Variants in AGBL1 observed in about 807,000 individuals in gnomAD.
AGBL1 encodes the protein AGBL carboxypeptidase 1, also known as cytosolic carboxypeptidase 4.
AGBL1 carries 130 observed loss-of-function variants against 118.9 expected under a neutral mutation model. The observed-to-expected ratio is 1.09, with a 90% CI of 0.95 to 1.26. The LOEUF is 1.26. AGBL1 is among the 50% of genes most tolerant of loss of function. The pLI is 0.00. For synonymous variants in AGBL1, 555 were observed against 478.9 expected (o/e 1.16, Z -2.08); for missense variants, 1,584 against 1,298.1 (o/e 1.22, Z -3.38).
chr15:86,287,578 A>G (rs1002931323), intron 16 of AGBL1, among the ~76,000 whole-genome samples: 4 of 152,070 alleles, frequency 2.6e-5, no homozygotes, highest in Admixed American at 1.3e-4. Flanking sequence ...AGTTTTCCCA[A>G]CACCATTTAT....
intron 22 of AGBL1, among the ~76,000 whole-genome samples, chr15:86,737,382 G>A (rs2077617677): frequency 6.6e-6 from 1 of 152,152 alleles, no homozygotes; most frequent in Non-Finnish European, 1.5e-5. Context: ...ATTTATTCCA[G>A]GTGTCTTAAG....
chr15:86,253,489 T>C (rs1027192588), intron 7 of AGBL1, among the ~76,000 whole-genome samples: 11 of 152,078 alleles, frequency 7.2e-5, no homozygotes, highest in Admixed American at 5.2e-4. Flanking sequence ...GATGTCGTGA[T>C]CCACCTGCCT....
intron 22 of AGBL1, among the ~76,000 whole-genome samples, chr15:86,697,768 C>T (rs1036099396): frequency 6.6e-6 from 1 of 151,802 alleles, no homozygotes; most frequent in African/African-American, 2.4e-5. Context: ...TTCTTTTGGC[C>T]CATGGGTTGT....
chr15:86,952,792 A>T (rs7179122), intron 23 of AGBL1, among the ~76,000 whole-genome samples: 128,737 of 151,926 alleles, frequency 0.85, 54,633 homozygotes, highest in South Asian at 0.97. Flanking sequence ...CTAGATTTTT[A>T]AAGAATTTTT....
Position 86,397,414 on chromosome 15 carries a change from G to C in AGBL1, c.2423G>C (p.Ser808Thr), listed in dbSNP as rs140873349. ...ACTGCTCGAGTTCATCCAGGAGAGA[G>C]CAATGCCAGTTGGGTGATGAAGGGT... is the stretch of plus-strand genomic sequence containing the variant. The part of the protein sequence containing the change: ...VITARVHPGE[S>T]NASWVMKGTL... Residue 808 changes from serine (S) to threonine (T), a missense_variant, in exon 18 of 23, where the codon AGC becomes ACC. Transcript: ENST00000614907. 2.8e-4 allele frequency: 452 copies of C among 1,613,046 alleles called. 2 individuals are homozygous for C. The African/African-American group carries it at 5.5e-3, about 20-fold the overall frequency.
chr15:86,163,466 G>A (rs540218212), intron 5 of AGBL1, among the ~76,000 whole-genome samples: 5 of 152,284 alleles, frequency 3.3e-5, no homozygotes, highest in African/African-American at 1.2e-4. Context: ...TGTGGCTCAT[G>A]CCTGTAATCC....
At chr15:86,595,645 C>T (rs2084394923) in intron 21 of AGBL1, among the ~76,000 whole-genome samples, 1 of 152,164 alleles carries the variant, frequency 6.6e-6, no homozygotes, top group Non-Finnish European at 1.5e-5. Context: ...ACTATAATCA[C>T]CTGACATGTT....
At chr15:86,106,242 C>G (rs534893301) in intron 1 of AGBL1, among the ~76,000 whole-genome samples, 1 of 152,242 alleles carries the variant, frequency 6.6e-6, no homozygotes, top group East Asian at 1.9e-4. Flanking sequence ...AGATGTGATC[C>G]CTAGAATTCC....
intron 1 of AGBL1, among the ~76,000 whole-genome samples, chr15:86,088,560 A>C (rs1895819987): frequency 6.6e-6 from 1 of 152,240 alleles, no homozygotes; most frequent in African/African-American, 2.4e-5. Context: ...AATGGTCTGC[A>C]TTCAACAGCA....
chr15:86,228,396 G>A (rs989546682), intron 6 of AGBL1, among the ~76,000 whole-genome samples: 1 of 152,180 alleles, frequency 6.6e-6, no homozygotes, highest in South Asian at 2.1e-4. Context: ...GTCAGTGAGT[G>A]TAAAAGTTGG....
At chr15:86,946,856 A>C (rs1468829799) in intron 23 of AGBL1, among the ~76,000 whole-genome samples, 1 of 151,478 alleles carries the variant, frequency 6.6e-6, no homozygotes, top group Non-Finnish European at 1.5e-5. Flanking sequence ...AAAAAAAAAA[A>C]AAAAACAAAA....
chr15:86,730,261 G>T (rs1323431205), intron 22 of AGBL1, among the ~76,000 whole-genome samples: 1 of 152,124 alleles, frequency 6.6e-6, no homozygotes, highest in Admixed American at 6.5e-5. Flanking sequence ...ATTGACAAGT[G>T]GGACCTAATT....
At chr15:86,760,190 T>A (rs1567161021) in intron 22 of AGBL1, among the ~76,000 whole-genome samples, 2 of 152,074 alleles carry the variant, frequency 1.3e-5, no homozygotes, top group Non-Finnish European at 2.9e-5. Context: ...ATCATTTCTT[T>A]CTTCCCGGGC....
chr15:86,685,923 G>A (rs967747147), intron 22 of AGBL1, among the ~76,000 whole-genome samples: 2 of 152,116 alleles, frequency 1.3e-5, no homozygotes, highest in Admixed American at 1.3e-4. Flanking sequence ...CTGACTTCCT[G>A]TAATTTCAGT....
At chr15:86,882,122 C>T (rs1344292016) in intron 22 of AGBL1, among the ~76,000 whole-genome samples, 4 of 152,148 alleles carry the variant, frequency 2.6e-5, no homozygotes, top group East Asian at 3.9e-4. Context: ...CAAAAATTCG[C>T]GGTCTAACAC....
intron 22 of AGBL1, among the ~76,000 whole-genome samples, chr15:86,718,498 C>T (rs2086670531): frequency 6.6e-6 from 1 of 152,102 alleles, no homozygotes; most frequent in South Asian, 2.1e-4. Flanking sequence ...CAAACCTGCA[C>T]ATTGTGCACA....
intron 23 of AGBL1, among the ~76,000 whole-genome samples, chr15:86,930,000 G>A (rs987691174): frequency 3.3e-5 from 5 of 152,158 alleles, no homozygotes; most frequent in African/African-American, 1.2e-4. Flanking sequence ...GTAGGTGTGT[G>A]TAAATTGTCT....
chr15:86,379,069 T>G (rs2081077210), intron 17 of AGBL1, among the ~76,000 whole-genome samples: 1 of 151,934 alleles, frequency 6.6e-6, no homozygotes, highest in Admixed American at 6.6e-5. Flanking sequence ...CCCACAACCA[T>G]GCACAGCTGA....
intron 1 of AGBL1, among the ~76,000 whole-genome samples, chr15:86,117,717 T>C (rs948489132): frequency 2.0e-5 from 3 of 152,198 alleles, no homozygotes; most frequent in African/African-American, 4.8e-5. Flanking sequence ...ATGGGACACG[T>C]CATCCTTCAT....
Sources: allele counts gnomAD v4.1 joint callset (sites outside exome capture counted in the v4.1 genomes callset), GRCh38; gene constraint gnomAD v4.1.1; transcripts MANE v1.5; gene names NCBI Gene and HGNC (gene_info 2026-07-23, HGNC 2026-07-21).